The following HEATR5A variants were observed in gnomAD, a reference collection of about 807,000 sequenced individuals.
HEATR5A encodes HEAT repeat-containing protein 5A.
Under a neutral mutation model 218.8 loss-of-function variants are expected in HEATR5A, and 178 were observed. That is an observed-to-expected ratio of 0.81 (90% CI 0.72 to 0.92). The LOEUF (loss-of-function observed/expected upper bound fraction) is 0.92. HEATR5A is among the 40% of genes least tolerant of loss of function. The pLI is 0.00. For missense variants in HEATR5A, 2,420 were observed against 2,418.9 expected (o/e 1.00, Z -0.01); for synonymous variants, 864 against 871.6 (o/e 0.99, Z 0.15).
At chr14:31,416,160 T>C (rs1179782829) in intron 1 of HEATR5A, among the ~76,000 whole-genome samples, 1 of 152,034 alleles carries the variant, frequency 6.6e-6, no homozygotes, top group African/African-American at 2.4e-5. Flanking sequence ...CTCTGTCGCC[T>C]AGGCTGCAGT....
At position 31,307,944 on chromosome 14, in the gene HEATR5A, C is replaced by A. The variant is rs774866752; in HGVS notation, c.4767G>T (p.Leu1589Phe). Residue 1589 changes from leucine (L) to phenylalanine (F), a missense_variant, in exon 30 of 36, where the codon TTG (leucine) becomes TTT (phenylalanine). Coordinates refer to ENST00000543095, the MANE Select transcript of HEATR5A (RefSeq NM_015473.4). ...MESITACLHALQALLDVPWPR... is the reference protein window; with the variant it reads ...MESITACLHAFQALLDVPWPR... ...GCCAAGGTACATCTAGAAGTGCTTGCAATGCATGTAAACAAGCAGTTATGC... is the reference window on the plus strand; with the variant it reads ...GCCAAGGTACATCTAGAAGTGCTTGAAATGCATGTAAACAAGCAGTTATGC... 1 of 1,613,716 alleles carries A rather than the reference C, an allele frequency of 6.2e-7. No homozygotes were observed. Among genetic ancestry groups the A allele is most frequent in the South Asian group, 1.1e-5 (1 of 91,060 alleles).
chr14:31,358,817 A>T lies in HEATR5A; in HGVS notation c.2236-5T>A, dbSNP rs780150706. 27 of 1,612,610 alleles carry T rather than the reference A, an allele frequency of 1.7e-5. No homozygotes were observed. In the South Asian group the frequency reaches 2.9e-4, roughly 17 times the overall value. Reference sequence around the variant, plus strand: ...AACACCATTACCAAGCAGGAGCTAAAAGGGAAAAAAAGTATATAAGGTTTT... The same window carrying T: ...AACACCATTACCAAGCAGGAGCTAATAGGGAAAAAAAGTATATAAGGTTTT... On this transcript the variant is annotated splice_polypyrimidine_tract_variant and splice_region_variant and intron_variant, in intron 15 of 35. Coordinates refer to ENST00000543095, the MANE Select transcript of HEATR5A (RefSeq NM_015473.4).
chr14:31,308,892 A>T (rs1022620225), intron 29 of HEATR5A, 42 bp downstream of exon 29: 6 of 1,530,012 alleles, frequency 3.9e-6, no homozygotes, highest in African/African-American at 1.4e-5. Flanking sequence ...AAAAAACAAA[A>T]AACCCCTAAG....
intron 33 of HEATR5A, among the ~76,000 whole-genome samples, chr14:31,299,757 G>T (rs1595073816): frequency 6.9e-6 from 1 of 145,256 alleles, no homozygotes; most frequent in African/African-American, 2.6e-5. Context: ...TTTCGGCCGG[G>T]CATGATGGCT....
In HEATR5A at chr14:31,361,941, AATTTATTTATTT is replaced by A. The variant is rs55748961; in HGVS notation, c.2071+2236_2071+2247del. On this transcript the variant is annotated intron_variant, in intron 14 of 35. Transcript: ENST00000543095. ...CATTGGAGGAACCAATAAAATCAGA[AATTTATTTATTT>A]ATTTATTTATTTATTTATTTATTTA... Among the ~76,000 whole-genome samples, 1,228 of 149,430 alleles carry A rather than the reference AATTTATTTATTT, an allele frequency of 8.2e-3. 10 individuals carry two copies. Among genetic ancestry groups the A allele is most frequent in the East Asian group, 0.029 (147 of 5,100 alleles).
intron 6 of HEATR5A, 69 bp from the exon 7 acceptor site, chr14:31,389,074 A>G: frequency 7.3e-7 from 1 of 1,367,276 alleles, no homozygotes; most frequent in Non-Finnish European, 1.0e-6. Context: ...CTTGATTTGC[A>G]AAAAGCATGT....
intron 29 of HEATR5A, 73 bp from the exon 30 acceptor site, chr14:31,308,093 T>C (rs1899614033): frequency 5.1e-6 from 7 of 1,374,400 alleles, no homozygotes; most frequent in Middle Eastern, 2.1e-4. Context: ...ATTAATCTTA[T>C]ATTTTGGTAA....
At chr14:31,393,941 C>G (rs2030550936) in intron 6 of HEATR5A, 111 bp downstream of exon 6, 2 of 769,992 alleles carry the variant, frequency 2.6e-6, no homozygotes, top group African/African-American at 1.8e-5. Flanking sequence ...AGCCACCATG[C>G]CTGGCCTGAA....
At chr14:31,338,648 A>G (rs1022802989) in intron 21 of HEATR5A, among the ~76,000 whole-genome samples, 1 of 152,224 alleles carries the variant, frequency 6.6e-6, no homozygotes. Flanking sequence ...ATAAATATGT[A>G]TATTATGGTA....
intron 4 of HEATR5A, among the ~76,000 whole-genome samples, chr14:31,397,594 G>A (rs2030704976): frequency 6.8e-6 from 1 of 146,844 alleles, no homozygotes; most frequent in Non-Finnish European, 1.5e-5. Context: ...AGGAGGCGGA[G>A]ATTGTAGTGA....
intron 22 of HEATR5A, among the ~76,000 whole-genome samples, chr14:31,327,189 G>C (rs1213670768): frequency 2.0e-5 from 3 of 151,238 alleles, no homozygotes; most frequent in African/African-American, 7.3e-5. Context: ...TGGTCAGGCT[G>C]GTCTTGAACT....
chr14:31,303,420 A>C, intron 32 of HEATR5A, among the ~76,000 whole-genome samples: 1 of 152,058 alleles, frequency 6.6e-6, no homozygotes, highest in East Asian at 1.9e-4. Flanking sequence ...GTGACACAGT[A>C]AGACTCCATT....
intron 22 of HEATR5A, among the ~76,000 whole-genome samples, chr14:31,331,207 T>C (rs1900457931): frequency 6.6e-6 from 1 of 152,144 alleles, no homozygotes; most frequent in Admixed American, 6.5e-5. Context: ...CTCAAAGTGC[T>C]GGGACTACAG....
intron 29 of HEATR5A, among the ~76,000 whole-genome samples, chr14:31,308,591 CAAT>C (rs1332490333): frequency 6.7e-6 from 1 of 150,082 alleles, no homozygotes; most frequent in Non-Finnish European, 1.5e-5. Context: ...GCAAAAATTA[CAAT>C]AAAATTGCAC....
At chr14:31,371,650 A>G in intron 13 of HEATR5A, 160 bp downstream of exon 13, 1 of 419,624 alleles carries the variant, frequency 2.4e-6, no homozygotes, top group Admixed American at 4.4e-5. Context: ...TTAATATGTA[A>G]TTTCTTTCAA....
chr14:31,387,645 C>T (rs1363051497), intron 7 of HEATR5A, among the ~76,000 whole-genome samples: 5 of 152,012 alleles, frequency 3.3e-5, no homozygotes, highest in South Asian at 4.2e-4. Flanking sequence ...CTGCAAGCTC[C>T]GCCTCCTGGG....
At chr14:31,311,681 A>ATC (rs1347228687) in intron 28 of HEATR5A, among the ~76,000 whole-genome samples, 1 of 151,790 alleles carries the variant, frequency 6.6e-6, no homozygotes, top group Non-Finnish European at 1.5e-5. Flanking sequence ...ATATATATAT[A>ATC]TATAAAAAAG....
intron 16 of HEATR5A, among the ~76,000 whole-genome samples, chr14:31,355,775 A>G (rs866000209): frequency 2.0e-5 from 3 of 152,234 alleles, no homozygotes; most frequent in Non-Finnish European, 4.4e-5. Context: ...TCTGTATAAA[A>G]TATCTTGACT....
intron 28 of HEATR5A, among the ~76,000 whole-genome samples, chr14:31,311,683 A>T (rs1899758889): frequency 6.8e-6 from 1 of 146,376 alleles, no homozygotes; most frequent in African/African-American, 2.7e-5. Context: ...ATATATATAT[A>T]TAAAAAAGAT....
Sources: allele counts gnomAD v4.1 joint callset (sites outside exome capture counted in the v4.1 genomes callset), GRCh38; gene constraint gnomAD v4.1.1; transcripts MANE v1.5; gene names NCBI Gene and HGNC (gene_info 2026-07-23, HGNC 2026-07-21).